The following PIP variants were observed in gnomAD, a reference collection of about 807,000 sequenced individuals.
PIP encodes prolactin-inducible protein.
A neutral mutation model predicts 12.8 loss-of-function variants in PIP; 9 were observed. The observed-to-expected ratio is 0.70, with a 90% CI of 0.42 to 1.23. PIP has a LOEUF of 1.23. Ranked by LOEUF, PIP falls within the 50% of genes most tolerant of loss-of-function variation. PIP has a pLI of 0.00. For synonymous variants in PIP, 60 were observed against 66.1 expected, an observed-to-expected ratio of 0.91 and a Z score of 0.45; for missense variants, 172 against 179.5, an observed-to-expected ratio of 0.96 and a Z score of 0.24.
chr7:143,136,979 T>C (rs1799316551), intron 2 of PIP, among the ~76,000 whole-genome samples: 2 of 151,624 alleles, frequency 1.3e-5, no homozygotes, highest in African/African-American at 4.8e-5. Flanking sequence ...TATTAAAATA[T>C]ATTTATATAA....
Position 143,136,500 on chromosome 7 carries a change from A to G in PIP, c.201+1201A>G, listed in dbSNP as rs559059297. ...CACAGCTGCTTTGTCAAATTTTTCT[A>G]TTTTCAGTCCAAGAATCTGAGACAT... On this transcript the variant is annotated intron_variant, in intron 2 of 3. Coordinates refer to ENST00000291009, the MANE Select transcript of PIP (RefSeq NM_002652.3). Among the ~76,000 whole-genome samples the G allele has an allele frequency of 2.2e-4, 34 of 152,188 alleles. 1 individual carries two copies. The South Asian group carries it at 6.2e-3, about 28-fold the overall frequency.
At chr7:143,135,412 C>T in intron 2 of PIP, 113 bp downstream of exon 2, 1 of 520,178 alleles carries the variant, frequency 1.9e-6, no homozygotes, top group Non-Finnish European at 3.5e-6. Flanking sequence ...AACATTCTCA[C>T]TTATGTTATG....
intron 2 of PIP, among the ~76,000 whole-genome samples, chr7:143,138,019 G>A (rs1799328567): frequency 6.6e-6 from 1 of 152,024 alleles, no homozygotes; most frequent in Non-Finnish European, 1.5e-5. Context: ...TTACTGTTTA[G>A]GTCTGAACGG....
At chr7:143,139,340 TG>T in intron 3 of PIP, 151 bp downstream of exon 3, 1 of 847,644 alleles carries the variant, frequency 1.2e-6, no homozygotes, top group Non-Finnish European at 1.9e-6. Context: ...GGAGAGCAGA[TG>T]GGGAAAGCAC....
chr7:143,134,256 G>A (rs575978436), intron 1 of PIP, among the ~76,000 whole-genome samples: 2 of 118,250 alleles, frequency 1.7e-5, no homozygotes, highest in African/African-American at 6.3e-5. Context: ...TTATCCACTC[G>A]TTGATTGATG....
intron 2 of PIP, among the ~76,000 whole-genome samples, chr7:143,136,572 C>A (rs776645994): frequency 6.6e-6 from 1 of 152,032 alleles, no homozygotes; most frequent in Non-Finnish European, 1.5e-5. Flanking sequence ...AATTTTTCAA[C>A]TCTGTATTTT....
chr7:143,132,173 C>T lies in PIP; in HGVS notation c.57C>T (p.Leu19=), dbSNP rs773069745. The change falls in exon 1 of 4, where the codon CTC becomes CTT. Residue 19 remains leucine (L), a synonymous_variant. Transcript: ENST00000291009. ...GCCCTGCCACCCTGCTCCTGGTTCT[C>T]TGCCTGCAGTTGGGGGCCAACAAAG... ...RASPATLLLV[L]CLQLGANKAQ... 1 of 1,613,322 alleles carries T rather than the reference C, an allele frequency of 6.2e-7. No homozygotes were observed. The highest frequency in any genetic ancestry group is 1.1e-5 in the South Asian group (1 of 91,082).
intron 1 of PIP, among the ~76,000 whole-genome samples, chr7:143,133,703 A>T (rs767440116): frequency 6.6e-6 from 1 of 152,104 alleles, no homozygotes; most frequent in Non-Finnish European, 1.5e-5. Flanking sequence ...CTAAGGAGCT[A>T]AATAAATACA....
intron 2 of PIP, among the ~76,000 whole-genome samples, chr7:143,136,638 T>C (rs1481079485): frequency 6.6e-6 from 1 of 152,038 alleles, no homozygotes. Context: ...AATGTGTACA[T>C]AAAATTTTTG....
intron 1 of PIP, among the ~76,000 whole-genome samples, chr7:143,133,435 A>G (rs1210073681): frequency 2.0e-5 from 3 of 152,092 alleles, no homozygotes; most frequent in Admixed American, 2.0e-4. Flanking sequence ...CTTTGCCCCA[A>G]GAAAATGGGG....
Position 143,139,056 on chromosome 7 carries a change from C to G in PIP, c.202-19C>G. 2 of 1,176,290 alleles carry G rather than the reference C, an allele frequency of 1.7e-6. No homozygotes were observed. The highest frequency in any genetic ancestry group is 2.6e-6 in the Non-Finnish European group (2 of 779,250). The allele number at this position is 1,176,290 out of a possible 1,614,324, so 72.9% of individuals were successfully genotyped here. A position where few individuals can be genotyped will look rare whatever the true frequency, so the allele number is the denominator to read the frequency against. ...CCCAAAATAACAATGAATTCCCCCT[C>G]CCACCTTCTCCTCACCAGGTTAAAA... On this transcript the variant is annotated intron_variant, in intron 2 of 3. Transcript: ENST00000291009.
At chr7:143,138,899 A>G (rs1318938914) in intron 2 of PIP, among the ~76,000 whole-genome samples, 176 bp from the exon 3 acceptor site, 1 of 152,008 alleles carries the variant, frequency 6.6e-6, no homozygotes, top group Non-Finnish European at 1.5e-5. Flanking sequence ...GGAAGGGAAA[A>G]CCTTCTGACC....
rs986584507 is a variant in PIP, at chr7:143,139,233, C to G, written c.316+44C>G. On this transcript the variant is annotated intron_variant, in intron 3 of 3. Coordinates refer to ENST00000291009, the MANE Select transcript of PIP (RefSeq NM_002652.3). ...CAAGGAGGGAACTACCCACCAGCCA[C>G]CAGGGAGGAGAAACTATAAACAGAA... The G allele has an allele frequency of 5.5e-6, 6 of 1,081,576 alleles. 1 individual carries two copies. Among genetic ancestry groups the G allele is most frequent in the Non-Finnish European group, 8.7e-6 (6 of 693,636 alleles). 67.0% of individuals were successfully genotyped at this position (1,081,576 alleles called of 1,614,324 possible).
Position 143,139,695 on chromosome 7 carries a change from G to A in PIP, c.*53G>A. ...AGGTGATTTCCTCTAAAGAAACTTG[G>A]CTGGAATTTCTGCTGTGGTCTATAA... On this transcript the variant is annotated 3_prime_UTR_variant, in exon 4 of 4. Coordinates refer to ENST00000291009, the MANE Select transcript of PIP (RefSeq NM_002652.3). The A allele has an allele frequency of 1.9e-6, 3 of 1,554,708 alleles. No homozygotes were observed. The highest frequency in any genetic ancestry group is 1.8e-6 in the Non-Finnish European group (2 of 1,132,950).
chr7:143,133,593 T>G (rs1799266775), intron 1 of PIP, among the ~76,000 whole-genome samples: 1 of 152,018 alleles, frequency 6.6e-6, no homozygotes, highest in Admixed American at 6.6e-5. Flanking sequence ...ATTTGACCAT[T>G]TTATTTGTCT....
chr7:143,135,659 G>C (rs901334722), intron 2 of PIP, among the ~76,000 whole-genome samples: 2 of 152,010 alleles, frequency 1.3e-5, no homozygotes, highest in Admixed American at 6.6e-5. Flanking sequence ...TCTCAGAAGA[G>C]AAAGCAGCAA....
At chr7:143,139,316 A>G (rs1208463232) in intron 3 of PIP, 127 bp downstream of exon 3, 3 of 823,514 alleles carry the variant, frequency 3.6e-6, no homozygotes, top group Non-Finnish European at 6.2e-6. Flanking sequence ...GAAGGGAGGG[A>G]GGGAAGAGCA....
At chr7:143,136,976 ATATATT>A (rs1381598956) in intron 2 of PIP, among the ~76,000 whole-genome samples, 1 of 151,586 alleles carries the variant, frequency 6.6e-6, no homozygotes, top group Non-Finnish European at 1.5e-5. Flanking sequence ...TTTTATTAAA[ATATATT>A]TATATAACTA....
At position 143,132,217 on chromosome 7, in the gene PIP, C is replaced by T. The variant is rs746139390; in HGVS notation, c.95+6C>T. The T allele has an allele frequency of 1.8e-5, 29 of 1,613,018 alleles. 1 individual carries two copies. Among genetic ancestry groups the T allele is most frequent in the Non-Finnish European group, 2.5e-5 (29 of 1,179,258 alleles). Reference sequence around the variant, plus strand: ...AACAAAGCTCAGGACAACACGTGAGCCATGCCCTTCTCCTCCCCACAAAAA... The same window carrying T: ...AACAAAGCTCAGGACAACACGTGAGTCATGCCCTTCTCCTCCCCACAAAAA... On this transcript the variant is annotated splice_donor_region_variant and intron_variant, in intron 1 of 3. Transcript: ENST00000291009.
Sources: allele counts gnomAD v4.1 joint callset (sites outside exome capture counted in the v4.1 genomes callset), GRCh38; gene constraint gnomAD v4.1.1; transcripts MANE v1.5; gene names NCBI Gene and HGNC (gene_info 2026-07-23, HGNC 2026-07-21).